NXN: variants seen among roughly 807,000 people sequenced by gnomAD.
NXN encodes the protein nucleoredoxin 1.
Under a neutral mutation model 48.6 loss-of-function variants are expected in NXN, and 16 were observed. The ratio of observed to expected loss-of-function variants is 0.33; its 90% CI spans 0.22 to 0.50. NXN has a LOEUF of 0.50. Among genes scored for constraint, NXN ranks in the 20% least tolerant of loss-of-function variants. The probability of loss-of-function intolerance (pLI) is 0.98; values close to 1 mark genes in which losing one functional copy is unlikely to be tolerated. For missense variants in NXN, 492 were observed against 605.5 expected (o/e 0.81, Z 1.97); for synonymous variants, 281 against 269.6 (o/e 1.04, Z -0.41).
intron 1 of NXN, among the ~76,000 whole-genome samples, chr17:961,300 G>A (rs1465534276): frequency 2.6e-5 from 4 of 151,772 alleles, no homozygotes; most frequent in Non-Finnish European, 4.4e-5. Flanking sequence ...CGGGAGAATC[G>A]CTTGAACCCG....
chr17:977,374 G>A (rs538189619), intron 1 of NXN, among the ~76,000 whole-genome samples: 2 of 152,350 alleles, frequency 1.3e-5, no homozygotes, highest in South Asian at 2.1e-4. Flanking sequence ...GTGTCATCCA[G>A]GTTCTCATCA....
chr17:812,169 C>T (rs1349539178), intron 5 of NXN, among the ~76,000 whole-genome samples: 5 of 151,344 alleles, frequency 3.3e-5, no homozygotes, highest in Admixed American at 1.3e-4. Flanking sequence ...CCTCGTGATC[C>T]GCCCGCCTCG....
Position 919,234 on chromosome 17 carries a change from G to C in NXN, c.360+60085C>G, listed in dbSNP as rs1038711409. Among the ~76,000 whole-genome samples the C allele has an allele frequency of 6.6e-6, 1 of 152,032 alleles. No individual in the cohort carries two copies. The highest frequency in any genetic ancestry group is 2.4e-5 in the African/African-American group (1 of 41,396). On this transcript the variant is annotated intron_variant, in intron 1 of 7. Transcript: ENST00000336868. This position sits in a 1 kb window ranked among gnomAD's most constrained non-coding sequence, Gnocchi z 5.1. Reference sequence around the variant, plus strand: ...AAAAATCAGCCGGGCGTCATGGCGGGCACCTGTAGTCCCAGTTCCTTGGGA... The same window carrying C: ...AAAAATCAGCCGGGCGTCATGGCGGCCACCTGTAGTCCCAGTTCCTTGGGA...
rs533392249 is a variant in NXN, at chr17:826,950, C to T, written c.361-872G>A. 1.2e-4 allele frequency among the ~76,000 whole-genome samples: 18 copies of T among 152,350 alleles called. No homozygotes were observed. The East Asian group carries it at 3.1e-3, about 26-fold the overall frequency. ...CCAAGCGTGGGCGGCCTCTGTTCGC[C>T]ATCGGGGTGAAGCCTCCTGTGTTCG... is the stretch of plus-strand genomic sequence containing the variant. On this transcript the variant is annotated intron_variant, in intron 1 of 7. Transcript: ENST00000336868.
chr17:966,796 G>GA, intron 1 of NXN, among the ~76,000 whole-genome samples: 2 of 131,362 alleles, frequency 1.5e-5, no homozygotes, highest in Non-Finnish European at 3.1e-5. Context: ...CAGGTGGGGG[G>GA]ATGACTGTTG....
chr17:878,612 A>T (rs1383888642), intron 1 of NXN, among the ~76,000 whole-genome samples: 1 of 152,036 alleles, frequency 6.6e-6, no homozygotes, highest in Non-Finnish European at 1.5e-5. Context: ...CAGTGACGTG[A>T]ACAACTGGTA....
At chr17:961,212 G>A (rs544137611) in intron 1 of NXN, among the ~76,000 whole-genome samples, 110 of 152,064 alleles carry the variant, frequency 7.2e-4, no homozygotes, top group South Asian at 1.7e-3. Context: ...TGGCCAACAC[G>A]ACAAAAGCCC....
At chr17:974,230 A>G (rs1242388989) in intron 1 of NXN, among the ~76,000 whole-genome samples, 1 of 151,746 alleles carries the variant, frequency 6.6e-6, no homozygotes, top group East Asian at 2.0e-4. Flanking sequence ...GGGCGCCTGT[A>G]GTCCCAGCTA....
chr17:871,466 A>G (rs1195863068), intron 1 of NXN, among the ~76,000 whole-genome samples: 1 of 133,272 alleles, frequency 7.5e-6, no homozygotes, highest in Non-Finnish European at 1.5e-5. Context: ...GTGCAGCAGC[A>G]CGATCTCAGC....
chr17:803,570 A>ACAGGCAGCCCTGACCCTGGGGTCCTTT, intron 7 of NXN, 112 bp downstream of exon 7: 2 of 1,358,450 alleles, frequency 1.5e-6, no homozygotes, highest in Non-Finnish European at 2.0e-6. Context: ...TCTCAGAAGC[A>ACAGGCAGCCCTGACCCTGGGGTCCTTT]CAGGCAGCCC....
At chr17:916,949 C>T (rs1567861632) in intron 1 of NXN, among the ~76,000 whole-genome samples, 1 of 152,166 alleles carries the variant, frequency 6.6e-6, no homozygotes, top group Non-Finnish European at 1.5e-5. Flanking sequence ...ACCACCCTAA[C>T]CTCTTCGTTG....
chr17:835,071 G>A (rs1245510592), intron 1 of NXN, among the ~76,000 whole-genome samples: 3 of 151,548 alleles, frequency 2.0e-5, no homozygotes, highest in East Asian at 4.0e-4. Flanking sequence ...CACTTTGGGA[G>A]GCCGAGGCGG....
chr17:970,973 T>A (rs1307256116), intron 1 of NXN, among the ~76,000 whole-genome samples: 22 of 142,314 alleles, frequency 1.5e-4, no homozygotes, highest in Non-Finnish European at 6.0e-5. Flanking sequence ...TGACACGGAG[T>A]TTCACTCTTA....
At chr17:968,670 G>T (rs1342759873) in intron 1 of NXN, among the ~76,000 whole-genome samples, 1 of 152,244 alleles carries the variant, frequency 6.6e-6, no homozygotes, top group Non-Finnish European at 1.5e-5. Flanking sequence ...AGGCATGGTG[G>T]CTCACGCCTG....
intron 1 of NXN, among the ~76,000 whole-genome samples, chr17:913,075 T>C (rs1275421988): frequency 2.6e-5 from 4 of 152,266 alleles, no homozygotes; most frequent in Non-Finnish European, 5.9e-5. Context: ...ATCTGGTTTC[T>C]GGTATTTTGG....
chr17:906,542 G>A (rs946962593), intron 1 of NXN, among the ~76,000 whole-genome samples: 5 of 145,654 alleles, frequency 3.4e-5, no homozygotes, highest in African/African-American at 1.0e-4. Context: ...AATGCAGAAG[G>A]AAGTGTTTTG....
At chr17:843,743 G>A (rs551776422) in intron 1 of NXN, among the ~76,000 whole-genome samples, 2 of 152,326 alleles carry the variant, frequency 1.3e-5, no homozygotes, top group East Asian at 3.9e-4. Flanking sequence ...AAAGAGCTCA[G>A]ATGTGCCACG....
intron 1 of NXN, among the ~76,000 whole-genome samples, chr17:926,462 G>A (rs552071095): frequency 6.6e-6 from 1 of 151,914 alleles, no homozygotes; most frequent in Non-Finnish European, 1.5e-5. Flanking sequence ...TAGGATTACA[G>A]GCGTGAGCCA....
chr17:812,684 G>C (rs1387726725), intron 5 of NXN, among the ~76,000 whole-genome samples: 1 of 151,932 alleles, frequency 6.6e-6, no homozygotes, highest in Non-Finnish European at 1.5e-5. Context: ...GTGTAGGTGT[G>C]TGCACATATG....
Sources: allele counts gnomAD v4.1 joint callset (sites outside exome capture counted in the v4.1 genomes callset), GRCh38; gene constraint gnomAD v4.1.1; non-coding constraint Gnocchi (gnomAD v3.1); transcripts MANE v1.5; gene names NCBI Gene and HGNC (gene_info 2026-07-23, HGNC 2026-07-21).